Variants in ADAMTS14 observed in about 807,000 individuals in gnomAD.
ADAMTS14 encodes A disintegrin and metalloproteinase with thrombospondin motifs 14.
In ADAMTS14, 100 loss-of-function variants were observed where a neutral mutation model predicts 128.6. That is an observed-to-expected ratio of 0.78 (90% confidence interval 0.66 to 0.92). The LOEUF is 0.92. Among genes scored for constraint, ADAMTS14 ranks in the 40% least tolerant of loss-of-function variants. ADAMTS14 has a pLI of 0.00. For synonymous variants in ADAMTS14, 665 were observed against 653.8 expected (o/e 1.02, Z -0.26); for missense variants, 1,562 against 1,658.6 (o/e 0.94, Z 1.01).
chr10:70,738,050 G>A (rs1020136141), intron 10 of ADAMTS14, among the ~76,000 whole-genome samples: 1 of 151,360 alleles, frequency 6.6e-6, no homozygotes, highest in Non-Finnish European at 1.5e-5. Context: ...TTCTGACTCA[G>A]TTGGTCTGGG....
chr10:70,721,214 G>A (rs1000565921), intron 4 of ADAMTS14, among the ~76,000 whole-genome samples: 3 of 151,300 alleles, frequency 2.0e-5, no homozygotes, highest in Non-Finnish European at 4.4e-5. Flanking sequence ...TAGTAGAGAC[G>A]GGGTTTCACC....
chr10:70,760,541 C>T lies in ADAMTS14; in HGVS notation c.3360C>T (p.Pro1120=), dbSNP rs141342421. ...SLPPFSTPGS[P]LPGPQDPADA... ...CCCCCTTCTCCACTCCTGGAAGCCC[C>T]TTACCAGGACCCCAGGACCCTGCAG... is the stretch of plus-strand genomic sequence containing the variant. The change falls in exon 22 of 22, where the codon CCC becomes CCT. Residue 1120 remains proline (P), a synonymous_variant. Transcript: ENST00000373207. 5.8e-4 allele frequency: 930 copies of T among 1,613,420 alleles called. 4 individuals carry two copies. The African/African-American group carries it at 8.8e-3, about 15-fold the overall frequency.
At position 70,761,677 on chromosome 10, in the gene ADAMTS14, A is replaced by G. The variant is rs1407632923; in HGVS notation, c.*824A>G. On this transcript the variant is annotated 3_prime_UTR_variant, in exon 22 of 22. Transcript: ENST00000373207. ...AAACTGGCGCTCACTCCCTGACTCC[A>G]CCAGGATGGCAACTTCAATTATCAC... 2 of 152,210 alleles carry G rather than the reference A, an allele frequency of 1.3e-5. No individual in the cohort carries two copies. The highest frequency in any genetic ancestry group is 2.9e-5 in the Non-Finnish European group (2 of 68,058). 9.4% of individuals were successfully genotyped at this position (152,210 alleles called of 1,614,324 possible).
chr10:70,685,797 A>G (rs1055800521), intron 2 of ADAMTS14, among the ~76,000 whole-genome samples: 1 of 152,194 alleles, frequency 6.6e-6, no homozygotes, highest in Non-Finnish European at 1.5e-5. Context: ...ATTAATGCTA[A>G]AAGTGATTGG....
chr10:70,673,459 T>A (rs1839547065), intron 1 of ADAMTS14, among the ~76,000 whole-genome samples: 1 of 152,054 alleles, frequency 6.6e-6, no homozygotes, highest in African/African-American at 2.4e-5. Context: ...TACACTCCAC[T>A]CCCGCCCTGC....
chr10:70,719,644 A>G (rs1342117727), intron 4 of ADAMTS14, among the ~76,000 whole-genome samples: 1 of 151,738 alleles, frequency 6.6e-6, no homozygotes, highest in Non-Finnish European at 1.5e-5. Context: ...CTGAGCTCAA[A>G]CAATCCTCCT....
rs1018309343 is a variant in ADAMTS14 at position 70,672,866 on chromosome 10, G to T, written c.64G>T (p.Ala22Ser). Residue 22 changes from alanine to serine, a missense_variant, in exon 1 of 22, where the codon GCG (alanine) becomes TCG (serine). Physicochemically the swap from Ala to Ser is moderately conservative, Grantham distance 99 (BLOSUM62 1). Transcript: ENST00000373207. Reference protein sequence around the residue: ...LPLHCALCAAAGSRTPELHLS... With the variant: ...LPLHCALCAASGSRTPELHLS... ...TTTGCACTGTGCGCTCTGCGCCGCC[G>T]CGGGCAGCCGGACCCCAGGTGCGTG... 10 of 1,501,134 alleles carry T rather than the reference G, an allele frequency of 6.7e-6. No homozygotes were observed. The African/African-American group carries it at 1.3e-4, about 20-fold the overall frequency. 93.0% of individuals were successfully genotyped at this position (1,501,134 alleles called of 1,614,324 possible).
intron 3 of ADAMTS14, among the ~76,000 whole-genome samples, chr10:70,706,158 C>G (rs559005011): frequency 2.0e-5 from 3 of 152,100 alleles, no homozygotes; most frequent in African/African-American, 7.3e-5. Context: ...CTGGAGCCCC[C>G]CCACAGCATC....
intron 4 of ADAMTS14, among the ~76,000 whole-genome samples, chr10:70,709,958 G>C (rs1168059291): frequency 2.6e-5 from 4 of 152,182 alleles, no homozygotes; most frequent in Non-Finnish European, 5.9e-5. Flanking sequence ...TATGGCCTTT[G>C]TCAGGGTGCC....
In ADAMTS14 at chr10:70,760,935, G is replaced by T; in HGVS notation, c.*82G>T. 6.8e-7 allele frequency: 1 copy of T among 1,470,966 alleles called. No homozygotes were observed. The highest frequency in any genetic ancestry group is 1.4e-5 in the South Asian group (1 of 69,560). The allele number at this position is 1,470,966 out of a possible 1,614,324, so 91.1% of individuals were successfully genotyped here. ...CCAGCTCAGAGGACACACATAGCAG[G>T]GCAGGCGCAAGCACAGACTTCATTT... On this transcript the variant is annotated 3_prime_UTR_variant, in exon 22 of 22. Coordinates refer to ENST00000373207, the MANE Select transcript of ADAMTS14 (RefSeq NM_080722.4).
intron 2 of ADAMTS14, among the ~76,000 whole-genome samples, chr10:70,684,031 T>C (rs1839887678): frequency 6.6e-6 from 1 of 152,018 alleles, no homozygotes; most frequent in Non-Finnish European, 1.5e-5. Context: ...GTTCTGCAGG[T>C]TGTACAGGAA....
intron 4 of ADAMTS14, among the ~76,000 whole-genome samples, chr10:70,725,637 G>A (rs1841404843): frequency 6.6e-6 from 1 of 152,064 alleles, no homozygotes; most frequent in Non-Finnish European, 1.5e-5. Flanking sequence ...CATTCAGGAG[G>A]GCTCTGCCTT....
intron 4 of ADAMTS14, among the ~76,000 whole-genome samples, chr10:70,713,144 A>G (rs1564533469): frequency 1.3e-5 from 2 of 152,202 alleles, no homozygotes; most frequent in Admixed American, 6.5e-5. Context: ...GGGGACCTCC[A>G]TGAATTCTGT....
At chr10:70,710,833 G>A (rs1048189676) in intron 4 of ADAMTS14, among the ~76,000 whole-genome samples, 1 of 152,186 alleles carries the variant, frequency 6.6e-6, no homozygotes, top group Admixed American at 6.5e-5. Context: ...TGTGACCTTC[G>A]TGAAGTGACT....
In ADAMTS14 at chr10:70,760,911, C is replaced by T; in HGVS notation, c.*58C>T. The T allele has an allele frequency of 3.3e-6, 5 of 1,503,580 alleles. No individual in the cohort carries two copies. The highest frequency in any genetic ancestry group is 4.4e-6 in the Non-Finnish European group (5 of 1,126,904). 93.1% of individuals were successfully genotyped at this position (1,503,580 alleles called of 1,614,324 possible). On this transcript the variant is annotated 3_prime_UTR_variant, in exon 22 of 22. Transcript: ENST00000373207. ...ACTCTGTGTACTGCCCCGTGACTCC[C>T]AGCTCAGAGGACACACATAGCAGGG...
At chr10:70,738,324 C>T (rs1368975930) in intron 10 of ADAMTS14, among the ~76,000 whole-genome samples, 2 of 152,174 alleles carry the variant, frequency 1.3e-5, no homozygotes, top group East Asian at 1.9e-4. Flanking sequence ...AGTAGCCACA[C>T]GTAGCTAGTA....
intron 2 of ADAMTS14, among the ~76,000 whole-genome samples, chr10:70,690,997 G>C (rs1216825429): frequency 1.4e-5 from 2 of 144,778 alleles, no homozygotes; most frequent in South Asian, 2.2e-4. Context: ...GAGCCGCTTG[G>C]CTCCTGGGCA....
intron 4 of ADAMTS14, among the ~76,000 whole-genome samples, chr10:70,723,307 A>AGTTTAAATG (rs1841328395): frequency 6.6e-6 from 1 of 152,212 alleles, no homozygotes; most frequent in Non-Finnish European, 1.5e-5. Context: ...GGAGACAGGA[A>AGTTTAAATG]GTTTAAATGG....
At chr10:70,693,810 G>T (rs904445082) in intron 2 of ADAMTS14, among the ~76,000 whole-genome samples, 1 of 152,216 alleles carries the variant, frequency 6.6e-6, no homozygotes, top group Admixed American at 6.5e-5. Flanking sequence ...AACTGTGGCC[G>T]AGTGGTCATC....
Sources: allele counts gnomAD v4.1 joint callset (sites outside exome capture counted in the v4.1 genomes callset), GRCh38; gene constraint gnomAD v4.1.1; transcripts MANE v1.5; gene names NCBI Gene and HGNC (gene_info 2026-07-23, HGNC 2026-07-21).